NCKAP5: variants seen among roughly 807,000 people sequenced by gnomAD.
The protein encoded by NCKAP5 is nck-associated protein 5.
Under a neutral mutation model 167.0 loss-of-function variants are expected in NCKAP5, and 92 were observed. That is an observed-to-expected ratio of 0.55 (90% CI 0.47 to 0.66). The LOEUF (loss-of-function observed/expected upper bound fraction) is 0.66. NCKAP5 is among the 30% of genes least tolerant of loss of function. The probability of loss-of-function intolerance (pLI) is 0.00; values close to 1 mark genes in which losing one functional copy is unlikely to be tolerated. For synonymous variants in NCKAP5, 891 were observed against 877.4 expected (o/e 1.02, Z -0.27); for missense variants, 2,378 against 2,315.0 (o/e 1.03, Z -0.56).
chr2:133,599,932 G>A, the NCKAP5 span, among the ~76,000 whole-genome samples: 177 of 152,360 alleles, frequency 1.2e-3, no homozygotes, highest in South Asian at 2.1e-3. Context: ...AAGCCAATCC[G>A]TCACACACCC....
At chr2:132,883,228 A>ACACACAC (rs1553468512) in intron 8 of NCKAP5, among the ~76,000 whole-genome samples, 1 of 151,740 alleles carries the variant, frequency 6.6e-6, no homozygotes, top group East Asian at 1.9e-4. Flanking sequence ...ACACACACAC[A>ACACACAC]CACACACACG....
At chr2:133,159,458 T>A (rs1574223525) in intron 5 of NCKAP5, among the ~76,000 whole-genome samples, 2 of 152,068 alleles carry the variant, frequency 1.3e-5, no homozygotes, top group East Asian at 1.9e-4. Flanking sequence ...TGAGATGCCA[T>A]GTATCTGTTG....
intron 5 of NCKAP5, among the ~76,000 whole-genome samples, chr2:133,177,735 A>C (rs1453787772): frequency 6.6e-6 from 1 of 152,202 alleles, no homozygotes; most frequent in African/African-American, 2.4e-5. Flanking sequence ...AAGGCCATGA[A>C]GGGAGCCAGG....
At chr2:132,691,138 T>C (rs1238827610) in intron 19 of NCKAP5, among the ~76,000 whole-genome samples, 1 of 152,190 alleles carries the variant, frequency 6.6e-6, no homozygotes, top group Non-Finnish European at 1.5e-5. Flanking sequence ...ATTCTGTTTG[T>C]GCAACTTTAA....
Position 132,673,246 on chromosome 2 carries a change from G to T in NCKAP5, c.*43C>A. 6.7e-7 allele frequency: 1 copy of T among 1,494,566 alleles called. No homozygotes were observed. The highest frequency in any genetic ancestry group is 8.9e-7 in the Non-Finnish European group (1 of 1,124,976). 92.6% of individuals were successfully genotyped at this position (1,494,566 alleles called of 1,614,324 possible). ...TGTTAAATTTATTGAATGACTCTAGGGAAATTTTCGATAATCTATTCTCGG... is the reference window on the plus strand; with the variant it reads ...TGTTAAATTTATTGAATGACTCTAGTGAAATTTTCGATAATCTATTCTCGG... On this transcript the variant is annotated 3_prime_UTR_variant, in exon 20 of 20. Coordinates refer to ENST00000409261, the MANE Select transcript of NCKAP5 (RefSeq NM_207363.3).
intron 5 of NCKAP5, among the ~76,000 whole-genome samples, chr2:133,168,751 C>T (rs991467030): frequency 9.9e-5 from 15 of 152,130 alleles, no homozygotes; most frequent in Admixed American, 2.0e-4. Context: ...ATTTAAAATT[C>T]GCTTCAATCC....
the NCKAP5 span, among the ~76,000 whole-genome samples, chr2:133,667,148 C>G: frequency 0.045 from 6,806 of 152,050 alleles, 590 homozygotes; most frequent in African/African-American, 0.15. Flanking sequence ...GCCCAATTAC[C>G]TATTGTGCTA....
Position 132,783,290 on chromosome 2 carries a change from C to G in NCKAP5, c.3521G>C (p.Ser1174Thr). 1.2e-6 allele frequency: 2 copies of G among 1,613,946 alleles called. No homozygotes were observed. Among genetic ancestry groups the G allele is most frequent in the Non-Finnish European group, 1.7e-6 (2 of 1,179,890 alleles). The change falls in exon 14 of 20, where the codon AGT (serine) becomes ACT (threonine). Residue 1174 changes from serine (S) to threonine (T), a missense_variant. By Grantham distance (58) the Ser-to-Thr change is moderately conservative (BLOSUM62 1). Around this residue, in one of 3 missense-constraint regions of NCKAP5, gnomAD observed 1,325 missense variants for 1,274.5 expected, o/e 1.04. Transcript: ENST00000409261. ...STVPGKHEKDSLNEASKSSVA... is the reference protein window; with the variant it reads ...STVPGKHEKDTLNEASKSSVA... ...GGAACTTTTGGAGGCTTCATTTAAA[C>G]TGTCTTTTTCATGTTTCCCTGGCAC...
chr2:132,733,187 C>A (rs1330262839), intron 16 of NCKAP5, among the ~76,000 whole-genome samples: 1 of 152,194 alleles, frequency 6.6e-6, no homozygotes, highest in Admixed American at 6.5e-5. Context: ...GCCAATGAGG[C>A]AGCTTCCAAG....
the NCKAP5 span, among the ~76,000 whole-genome samples, chr2:133,598,353 AT>A: frequency 1.3e-5 from 2 of 152,220 alleles, no homozygotes; most frequent in Non-Finnish European, 2.9e-5. Context: ...GGAAAACTCA[AT>A]TCTCTTCCTG....
At chr2:132,922,049 G>A (rs1056715020) in intron 8 of NCKAP5, among the ~76,000 whole-genome samples, 2 of 152,186 alleles carry the variant, frequency 1.3e-5, no homozygotes, top group African/African-American at 2.4e-5. Context: ...TGAGAACAGA[G>A]CAGAGAGATG....
intron 2 of NCKAP5, among the ~76,000 whole-genome samples, chr2:133,533,966 C>A (rs968968752): frequency 3.5e-4 from 53 of 152,132 alleles, no homozygotes; most frequent in African/African-American, 1.1e-3. Flanking sequence ...CCTACACACA[C>A]ACAAAAAATA....
intron 5 of NCKAP5, among the ~76,000 whole-genome samples, chr2:133,200,629 C>A (rs1478693406): frequency 6.6e-6 from 1 of 152,018 alleles, no homozygotes. Flanking sequence ...CTTCAAAATT[C>A]AAAACATTCA....
At chr2:133,474,159 C>CTATCT (rs1559511855) in intron 3 of NCKAP5, among the ~76,000 whole-genome samples, 15 of 110,084 alleles carry the variant, frequency 1.4e-4, no homozygotes, top group African/African-American at 4.8e-4. Flanking sequence ...TATCTATACA[C>CTATCT]ACACACACAC....
At chr2:133,175,831 G>T (rs1222126771) in intron 5 of NCKAP5, among the ~76,000 whole-genome samples, 3 of 152,058 alleles carry the variant, frequency 2.0e-5, no homozygotes, top group Non-Finnish European at 2.9e-5. Flanking sequence ...TTTATTTGAG[G>T]GTACACTCTC....
chr2:133,466,621 A>G (rs1692613135), intron 3 of NCKAP5, among the ~76,000 whole-genome samples: 4 of 152,238 alleles, frequency 2.6e-5, no homozygotes, highest in Admixed American at 6.5e-5. Context: ...TTTTCACGAT[A>G]TTGATTCTTC....
chr2:132,887,365 T>TTCCATCCA (rs142512555), intron 8 of NCKAP5, among the ~76,000 whole-genome samples: 19,280 of 132,524 alleles, frequency 0.15, 1,620 homozygotes, highest in Non-Finnish European at 0.17. Context: ...CCATCCATCT[T>TTCCATCCA]TCCATCCATC....
At chr2:133,612,054 C>A in the NCKAP5 span, among the ~76,000 whole-genome samples, 1 of 152,142 alleles carries the variant, frequency 6.6e-6, no homozygotes, top group African/African-American at 2.4e-5. Flanking sequence ...AGTATAGTTG[C>A]TTTTCATGAA....
the NCKAP5 span, among the ~76,000 whole-genome samples, chr2:133,616,433 G>A: frequency 6.6e-6 from 1 of 151,728 alleles, no homozygotes; most frequent in Non-Finnish European, 1.5e-5. Flanking sequence ...AAAGAGAGAA[G>A]AATCAAATAG....
Sources: allele counts gnomAD v4.1 joint callset (sites outside exome capture counted in the v4.1 genomes callset), GRCh38; gene constraint gnomAD v4.1.1; regional missense constraint gnomAD v4.1.1; transcripts MANE v1.5; gene names NCBI Gene and HGNC (gene_info 2026-07-23, HGNC 2026-07-21).